Variants in GRIK3 observed in about 807,000 individuals in gnomAD.
GRIK3 encodes glutamate receptor ionotropic, kainate 3.
GRIK3 carries 29 observed loss-of-function variants against 102.5 expected under a neutral mutation model. That is an observed-to-expected ratio of 0.28 (90% CI 0.21 to 0.39). GRIK3 has a LOEUF of 0.39. Ranked by LOEUF, GRIK3 falls within the 10% of genes least tolerant of loss-of-function variation. GRIK3 has a pLI of 1.00. For missense variants in GRIK3, 908 were observed against 1,252.4 expected (o/e 0.73, Z 4.15); for synonymous variants, 511 against 504.9 (o/e 1.01, Z -0.16).
At position 36,796,959 on chromosome 1, in the gene GRIK3, C is replaced by T. The variant is rs1220778378; in HGVS notation, c.*4892G>A. ...GCATGACATTGCTTCTCAGACACAC[C>T]CAGCTGTCCTGCCTCAGACAGGCTC... On this transcript the variant is annotated 3_prime_UTR_variant, in exon 16 of 16. Coordinates refer to ENST00000373091, the MANE Select transcript of GRIK3 (RefSeq NM_000831.4). 1 of 152,138 alleles carries T rather than the reference C, an allele frequency of 6.6e-6. No individual in the cohort carries two copies. The highest frequency in any genetic ancestry group is 1.5e-5 in the Non-Finnish European group (1 of 68,040). The allele number at this position is 152,138 out of a possible 1,614,324, so 9.4% of individuals were successfully genotyped here.
At chr1:36,993,985 T>G (rs1193691097) in intron 1 of GRIK3, among the ~76,000 whole-genome samples, 1 of 152,070 alleles carries the variant, frequency 6.6e-6, no homozygotes, top group African/African-American at 2.4e-5. Flanking sequence ...ACAAGCACAG[T>G]CCTAATACAT....
chr1:36,958,110 G>A (rs1226933618), intron 1 of GRIK3, among the ~76,000 whole-genome samples: 1 of 128,596 alleles, frequency 7.8e-6, no homozygotes, highest in African/African-American at 3.0e-5. Flanking sequence ...TGTGTGCCCC[G>A]TGAGTCTGTG....
chr1:36,998,737 G>A (rs1173187031), intron 1 of GRIK3, among the ~76,000 whole-genome samples: 1 of 152,088 alleles, frequency 6.6e-6, no homozygotes, highest in Non-Finnish European at 1.5e-5. Context: ...CTCTTCCCAG[G>A]GTCCCATAGT....
chr1:36,817,723 A>C (rs1425960340), intron 12 of GRIK3, among the ~76,000 whole-genome samples: 1 of 152,054 alleles, frequency 6.6e-6, no homozygotes, highest in Non-Finnish European at 1.5e-5. Flanking sequence ...CCTGCTCCCA[A>C]CTCTCAGTGT....
chr1:36,881,600 G>A (rs861934), intron 2 of GRIK3, among the ~76,000 whole-genome samples: 5,245 of 152,040 alleles, frequency 0.034, 236 homozygotes, highest in East Asian at 0.12. Context: ...TCCCAGCCCC[G>A]ACTCCCATCC....
chr1:37,022,579 C>T (rs1181546313), intron 1 of GRIK3, among the ~76,000 whole-genome samples: 1 of 152,180 alleles, frequency 6.6e-6, no homozygotes, highest in Non-Finnish European at 1.5e-5. Context: ...AAGGTCCTGG[C>T]ACAGAAAAAG....
intron 9 of GRIK3, among the ~76,000 whole-genome samples, chr1:36,849,381 C>T (rs556830533): frequency 3.7e-4 from 57 of 152,328 alleles, no homozygotes; most frequent in South Asian, 2.7e-3. Flanking sequence ...ATATCCAAAA[C>T]GGGTTGAACT....
intron 1 of GRIK3, among the ~76,000 whole-genome samples, chr1:36,951,995 C>T (rs1641849975): frequency 6.6e-6 from 1 of 152,174 alleles, no homozygotes; most frequent in Admixed American, 6.5e-5. Flanking sequence ...AATGAATGTT[C>T]CTGCCAGTCA....
At chr1:36,965,965 T>C (rs1439096137) in intron 1 of GRIK3, among the ~76,000 whole-genome samples, 2 of 152,184 alleles carry the variant, frequency 1.3e-5, no homozygotes, top group Non-Finnish European at 2.9e-5. Context: ...AAATGATTAA[T>C]CTGCCCTTCG....
At position 36,880,590 on chromosome 1, in the gene GRIK3, C is replaced by T. The variant is rs1186985073; in HGVS notation, c.550+44G>A. ...AAGAGCTTGATCCTGGGCCTCTGCCCCCCTCAACCGTTGCCCCCAGCCTAG... is the reference window on the plus strand; with the variant it reads ...AAGAGCTTGATCCTGGGCCTCTGCCTCCCTCAACCGTTGCCCCCAGCCTAG... On this transcript the variant is annotated intron_variant, in intron 3 of 15. Transcript: ENST00000373091. The surrounding 1 kb of genome is among the most constrained non-coding windows in gnomAD (Gnocchi z 5.4). The T allele has an allele frequency of 6.3e-7, 1 of 1,592,950 alleles. No homozygotes were observed. The highest frequency in any genetic ancestry group is 8.6e-7 in the Non-Finnish European group (1 of 1,162,406).
chr1:36,943,855 G>A (rs761252413), intron 1 of GRIK3, among the ~76,000 whole-genome samples: 48 of 152,358 alleles, frequency 3.2e-4, no homozygotes, highest in Non-Finnish European at 6.0e-4. Flanking sequence ...ACCCATCTCT[G>A]CCCCGTGCTG....
chr1:36,859,759 G>T, intron 6 of GRIK3, 85 bp downstream of exon 6: 1 of 1,104,836 alleles, frequency 9.1e-7, no homozygotes, highest in Non-Finnish European at 1.4e-6. Context: ...GTGGTGGAGG[G>T]AAGAAAGAAA....
At chr1:37,006,710 C>T (rs532937033) in intron 1 of GRIK3, among the ~76,000 whole-genome samples, 96 of 152,318 alleles carry the variant, frequency 6.3e-4, no homozygotes, top group African/African-American at 1.6e-3. Context: ...TACCTGCGGG[C>T]GCCGCAGAGT....
At chr1:37,022,089 C>T (rs1007384497) in intron 1 of GRIK3, among the ~76,000 whole-genome samples, 9 of 152,222 alleles carry the variant, frequency 5.9e-5, no homozygotes, top group East Asian at 1.9e-4. Flanking sequence ...AAATGGCCTC[C>T]GTTGACTGTC....
chr1:36,827,999 G>A (rs570829415), intron 10 of GRIK3, among the ~76,000 whole-genome samples: 17 of 152,108 alleles, frequency 1.1e-4, no homozygotes, highest in Middle Eastern at 3.4e-3. Flanking sequence ...GAAGGCAGAA[G>A]GAGGAATGGG....
intron 2 of GRIK3, among the ~76,000 whole-genome samples, chr1:36,882,180 C>G (rs1187136512): frequency 6.6e-6 from 1 of 152,214 alleles, no homozygotes; most frequent in Non-Finnish European, 1.5e-5. Context: ...TCCAAAGAGG[C>G]AGGGCCTTGA....
At chr1:36,843,800 G>A (rs1265783465) in intron 9 of GRIK3, among the ~76,000 whole-genome samples, 2 of 152,220 alleles carry the variant, frequency 1.3e-5, no homozygotes, top group Non-Finnish European at 2.9e-5. Flanking sequence ...GTGACAGAAT[G>A]TCTCAAGCCT....
chr1:37,028,065 T>G (rs980681995), intron 1 of GRIK3, among the ~76,000 whole-genome samples: 1 of 152,064 alleles, frequency 6.6e-6, no homozygotes, highest in African/African-American at 2.4e-5. Context: ...AAAAACCTAT[T>G]AGCCTTGAAG....
chr1:36,848,334 A>T (rs1364439054), intron 9 of GRIK3, among the ~76,000 whole-genome samples: 1 of 151,864 alleles, frequency 6.6e-6, no homozygotes, highest in Non-Finnish European at 1.5e-5. Context: ...TCTCTTCCTA[A>T]TCTCTTAAAT....
Sources: gnomAD v4.1 joint callset for allele counts (sites outside exome capture counted in the v4.1 genomes callset) on GRCh38, gnomAD v4.1.1 for gene constraint, Gnocchi (gnomAD v3.1) non-coding constraint, MANE v1.5 for transcripts, NCBI Gene and HGNC (gene_info 2026-07-23, HGNC 2026-07-21) for gene names.